Variants in TTC7A observed in about 807,000 individuals in gnomAD.
TTC7A encodes the protein tetratricopeptide repeat domain 7A.
Under a neutral mutation model 103.7 loss-of-function variants are expected in TTC7A, and 110 were observed. The observed-to-expected ratio is 1.06, with a 90% CI of 0.91 to 1.24. The LOEUF is 1.24. Among genes scored for constraint, TTC7A ranks in the 50% most tolerant of loss-of-function variants. The pLI is 0.00. For missense variants in TTC7A, 1,340 were observed against 1,116.3 expected (o/e 1.20, Z -2.86); for synonymous variants, 521 against 467.9 (o/e 1.11, Z -1.47).
intron 3 of TTC7A, among the ~76,000 whole-genome samples, chr2:46,971,377 G>A (rs116131523): frequency 0.04 from 6,071 of 152,264 alleles, 160 homozygotes; most frequent in Middle Eastern, 0.068. Context: ...CAGGCAGGAG[G>A]AACAACTTGA....
Position 46,957,461 on chromosome 2 carries a change from T to C in TTC7A, c.517+454T>C, listed in dbSNP as rs534285096. On this transcript the variant is annotated intron_variant, in intron 3 of 19. Transcript: ENST00000319190. Reference sequence around the variant, plus strand: ...GCCCCAGAGCAGGTGCTGGATGCTGTAGGAGTCTGCCACTCCTCAGTTATT... The same window carrying C: ...GCCCCAGAGCAGGTGCTGGATGCTGCAGGAGTCTGCCACTCCTCAGTTATT... 7.9e-5 allele frequency among the ~76,000 whole-genome samples: 12 copies of C among 152,350 alleles called. No homozygotes were observed. The South Asian group carries it at 1.2e-3, about 16-fold the overall frequency.
At chr2:47,067,743 C>T (rs907890478) in intron 19 of TTC7A, 1 of 152,108 alleles carries the variant, frequency 6.6e-6, no homozygotes, top group Non-Finnish European at 1.5e-5. Flanking sequence ...GCACCTAGGG[C>T]TGTTGTTAGA....
intron 2 of TTC7A, among the ~76,000 whole-genome samples, chr2:46,927,884 G>GTTTTT (rs566447236): frequency 8.2e-5 from 6 of 73,324 alleles, no homozygotes; most frequent in East Asian, 3.8e-4. Context: ...TTTTTTTGGT[G>GTTTTT]TTTTTTTTTT....
chr2:46,924,197 C>T (rs1474043557), intron 2 of TTC7A, among the ~76,000 whole-genome samples: 1 of 148,118 alleles, frequency 6.8e-6, no homozygotes, highest in Non-Finnish European at 1.5e-5. Context: ...GAATGAGATC[C>T]TGTCTCTTTA....
chr2:47,006,158 C>T, intron 9 of TTC7A, 99 bp downstream of exon 9: 4 of 1,480,934 alleles, frequency 2.7e-6, no homozygotes, highest in Non-Finnish European at 3.7e-6. Context: ...TGTCATTCCC[C>T]TGCCAGGCTG....
chr2:47,043,409 G>A (rs1681977606), intron 15 of TTC7A, among the ~76,000 whole-genome samples: 1 of 152,164 alleles, frequency 6.6e-6, no homozygotes, highest in Admixed American at 6.5e-5. Context: ...GGGAAAGGGT[G>A]ATCTCAGCAG....
At chr2:47,044,798 A>AT (rs897939375) in intron 15 of TTC7A, among the ~76,000 whole-genome samples, 24 of 152,244 alleles carry the variant, frequency 1.6e-4, no homozygotes, top group African/African-American at 5.8e-4. Flanking sequence ...CACCCTCTTC[A>AT]TTCTCTACCA....
chr2:47,021,515 G>A (rs551404741), intron 11 of TTC7A, among the ~76,000 whole-genome samples: 5 of 152,358 alleles, frequency 3.3e-5, no homozygotes, highest in Admixed American at 2.6e-4. Context: ...TGGGGCTGAG[G>A]ACATCCAGCA....
At chr2:47,043,371 C>T (rs1681972633) in intron 15 of TTC7A, among the ~76,000 whole-genome samples, 1 of 152,172 alleles carries the variant, frequency 6.6e-6, no homozygotes, top group African/African-American at 2.4e-5. Flanking sequence ...AGGGCGACAT[C>T]TGGTTAGGAG....
intron 15 of TTC7A, among the ~76,000 whole-genome samples, chr2:47,037,146 C>T (rs1681204695): frequency 6.6e-6 from 1 of 152,202 alleles, no homozygotes; most frequent in Non-Finnish European, 1.5e-5. Context: ...TCCCCGGAGC[C>T]CCTGTACTTC....
intron 3 of TTC7A, among the ~76,000 whole-genome samples, chr2:46,964,967 G>A (rs1311570150): frequency 2.6e-5 from 4 of 152,166 alleles, no homozygotes; most frequent in Non-Finnish European, 4.4e-5. Flanking sequence ...GCCGGCTCGC[G>A]TTCTCCTTCA....
chr2:47,006,566 C>A, intron 9 of TTC7A, 75 bp from the exon 10 acceptor site: 1 of 1,343,738 alleles, frequency 7.4e-7, no homozygotes, highest in Non-Finnish European at 1.1e-6. Flanking sequence ...TGGGCAGTAA[C>A]TACCCTGGAA....
chr2:47,045,326 C>T (rs1682200024), intron 15 of TTC7A, among the ~76,000 whole-genome samples: 1 of 152,234 alleles, frequency 6.6e-6, no homozygotes, highest in South Asian at 2.1e-4. Flanking sequence ...ACAGCAGGGC[C>T]TCCAGGGCTC....
chr2:46,950,651 CT>C lies in TTC7A; in HGVS notation c.348+127del, dbSNP rs1317862448. 1.9e-5 allele frequency: 19 copies of C among 1,014,980 alleles called. No homozygotes were observed. In the Admixed American group the frequency reaches 1.9e-4, roughly 10 times the overall value. The allele number at this position is 1,014,980 out of a possible 1,614,324, so 62.9% of individuals were successfully genotyped here. A position where few individuals can be genotyped will look rare whatever the true frequency, so the allele number is the denominator to read the frequency against. ...GTCTCTCTTACAAGCTGCCCTTGCA[CT>C]TACAGTAGCCACTGGCTGCACATGG... On this transcript the variant is annotated intron_variant, in intron 2 of 19. Coordinates refer to ENST00000319190, the MANE Select transcript of TTC7A (RefSeq NM_020458.4).
rs915718738 is a variant in TTC7A at position 47,011,247 on chromosome 2, G to A, written c.1288-84G>A. On this transcript the variant is annotated intron_variant, in intron 10 of 19. Coordinates refer to ENST00000319190, the MANE Select transcript of TTC7A (RefSeq NM_020458.4). ...AGCAAAGGGATACAGAGCAAGGCTT[G>A]GTTGTTTGGGAAGCTCGCCCCACTG... The A allele has an allele frequency of 4.7e-6, 6 of 1,282,220 alleles. No homozygotes were observed. The African/African-American group carries it at 8.7e-5, about 19-fold the overall frequency. The allele number at this position is 1,282,220 out of a possible 1,614,324, so 79.4% of individuals were successfully genotyped here.
chr2:47,038,457 C>T (rs1013274705), intron 15 of TTC7A, among the ~76,000 whole-genome samples: 3 of 152,150 alleles, frequency 2.0e-5, no homozygotes, highest in East Asian at 1.9e-4. Flanking sequence ...TTTCCAGAGG[C>T]GTGGCCACCT....
intron 5 of TTC7A, among the ~76,000 whole-genome samples, chr2:46,981,795 G>A (rs1674493004): frequency 6.6e-6 from 1 of 152,228 alleles, no homozygotes; most frequent in Admixed American, 6.5e-5. Context: ...GCCCAATGGA[G>A]CTGCTTATCA....
chr2:47,072,127 C>T (rs1684787621), intron 19 of TTC7A, among the ~76,000 whole-genome samples: 1 of 152,192 alleles, frequency 6.6e-6, no homozygotes, highest in South Asian at 2.1e-4. Context: ...AACAGCTAGG[C>T]CTGGTGCCCT....
At chr2:46,991,141 A>G (rs1385638211) in intron 5 of TTC7A, among the ~76,000 whole-genome samples, 1 of 151,690 alleles carries the variant, frequency 6.6e-6, no homozygotes, top group African/African-American at 2.4e-5. Context: ...GTCTTGAACT[A>G]CTGACCTCAA....
Sources: gnomAD v4.1 joint callset for allele counts (sites outside exome capture counted in the v4.1 genomes callset) on GRCh38, gnomAD v4.1.1 for gene constraint, MANE v1.5 for transcripts, NCBI Gene and HGNC (gene_info 2026-07-23, HGNC 2026-07-21) for gene names.